The following GABRB1 variants were observed in gnomAD, a reference collection of about 807,000 sequenced individuals.
GABRB1 encodes gamma-aminobutyric acid receptor subunit beta-1.
GABRB1 carries 17 observed loss-of-function variants against 51.6 expected under a neutral mutation model. The ratio of observed to expected loss-of-function variants is 0.33; its 90% confidence interval spans 0.23 to 0.49. GABRB1 has a LOEUF of 0.49. Ranked by LOEUF, GABRB1 falls within the 20% of genes least tolerant of loss-of-function variation. The probability of loss-of-function intolerance (pLI) is 0.99; values close to 1 mark genes in which losing one functional copy is unlikely to be tolerated. For missense variants in GABRB1, 410 were observed against 600.6 expected, an observed-to-expected ratio of 0.68 and a Z score of 3.32; for synonymous variants, 247 against 218.9, an observed-to-expected ratio of 1.13 and a Z score of -1.14.
At chr4:47,275,335 A>C (rs1329667982) in intron 4 of GABRB1, among the ~76,000 whole-genome samples, 4 of 152,062 alleles carry the variant, frequency 2.6e-5, no homozygotes, top group Non-Finnish European at 5.9e-5. Context: ...AAATTAGGAG[A>C]GGCAGTCTCT....
At chr4:47,102,014 C>A (rs962994448) in intron 3 of GABRB1, among the ~76,000 whole-genome samples, 1 of 151,992 alleles carries the variant, frequency 6.6e-6, no homozygotes, top group East Asian at 1.9e-4. Context: ...ATAAACTCCA[C>A]TCTCTGTTTT....
intron 4 of GABRB1, among the ~76,000 whole-genome samples, chr4:47,297,719 A>T (rs1366199642): frequency 6.6e-6 from 1 of 152,188 alleles, no homozygotes; most frequent in African/African-American, 2.4e-5. Context: ...AACTATTCCA[A>T]TCAATAGAAA....
upstream of GABRB1, among the ~76,000 whole-genome samples, chr4:47,029,266 T>G (rs1277431291): frequency 2.0e-5 from 3 of 151,938 alleles, no homozygotes; most frequent in Non-Finnish European, 2.9e-5. Flanking sequence ...TGGTACAAAG[T>G]GTTTAGATCA....
At chr4:47,416,423 A>G (rs971220443) in intron 8 of GABRB1, among the ~76,000 whole-genome samples, 1 of 152,022 alleles carries the variant, frequency 6.6e-6, no homozygotes, top group East Asian at 1.9e-4. Flanking sequence ...CAGAGTAAAC[A>G]GAAGATATAA....
intron 5 of GABRB1, among the ~76,000 whole-genome samples, chr4:47,367,598 T>C (rs1727024602): frequency 6.6e-6 from 1 of 152,200 alleles, no homozygotes; most frequent in Admixed American, 6.5e-5. Flanking sequence ...AAGTAAATGT[T>C]TTGCTTTCCC....
At chr4:47,270,228 T>C (rs1314394279) in intron 4 of GABRB1, among the ~76,000 whole-genome samples, 3 of 152,224 alleles carry the variant, frequency 2.0e-5, no homozygotes, top group African/African-American at 7.2e-5. Flanking sequence ...GATGCCATTT[T>C]CCAAAAGCTT....
chr4:47,391,502 C>G (rs1373509211), intron 5 of GABRB1, among the ~76,000 whole-genome samples: 1 of 152,214 alleles, frequency 6.6e-6, no homozygotes, highest in African/African-American at 2.4e-5. Context: ...ATCACTGACT[C>G]TCAGCTAACT....
intron 3 of GABRB1, among the ~76,000 whole-genome samples, chr4:47,114,256 C>A (rs1237198228): frequency 1.3e-5 from 2 of 152,208 alleles, no homozygotes; most frequent in African/African-American, 2.4e-5. Context: ...CACAGGTCAT[C>A]CTCAGAGTAC....
At chr4:47,163,430 A>T (rs1022567279) in intron 4 of GABRB1, among the ~76,000 whole-genome samples, 1 of 152,170 alleles carries the variant, frequency 6.6e-6, no homozygotes, top group South Asian at 2.1e-4. Flanking sequence ...AGTGCCTATT[A>T]TCTGCCACAC....
chr4:47,061,032 T>C (rs1287875212), intron 3 of GABRB1, among the ~76,000 whole-genome samples: 1 of 152,180 alleles, frequency 6.6e-6, no homozygotes, highest in Non-Finnish European at 1.5e-5. Context: ...AACACAAAGT[T>C]ACTAAAAAAT....
chr4:47,103,578 A>T (rs113232786), intron 3 of GABRB1, among the ~76,000 whole-genome samples: 2 of 152,008 alleles, frequency 1.3e-5, no homozygotes, highest in African/African-American at 2.4e-5. Context: ...ATTTTATTCA[A>T]TGAACGTTTA....
chr4:47,272,264 G>C (rs1319782579), intron 4 of GABRB1, among the ~76,000 whole-genome samples: 1 of 152,148 alleles, frequency 6.6e-6, no homozygotes, highest in Non-Finnish European at 1.5e-5. Flanking sequence ...GTCTTTGTAT[G>C]TGCAGATCAT....
At chr4:47,114,013 C>G (rs1204783450) in intron 3 of GABRB1, among the ~76,000 whole-genome samples, 1 of 152,208 alleles carries the variant, frequency 6.6e-6, no homozygotes, top group Non-Finnish European at 1.5e-5. Flanking sequence ...TGACAGGCCT[C>G]AGTTCCTTCT....
At chr4:47,132,432 G>GTTTGGTTTGGTTTGT (rs1716466029) in intron 3 of GABRB1, among the ~76,000 whole-genome samples, 1 of 55,126 alleles carries the variant, frequency 1.8e-5, no homozygotes, top group Non-Finnish European at 3.9e-5. Context: ...GTTTGGTTTG[G>GTTTGGTTTGGTTTGT]TTTGGTTTGG....
Position 47,392,649 on chromosome 4 carries a change from T to C in GABRB1, c.545-10669T>C, listed in dbSNP as rs186212553. Among the ~76,000 whole-genome samples, 760 of 152,264 alleles carry C rather than the reference T, an allele frequency of 5.0e-3. 7 individuals are homozygous for C. Among genetic ancestry groups the C allele is most frequent in the African/African-American group, 0.017 (691 of 41,562 alleles). On this transcript the variant is annotated intron_variant, in intron 5 of 8. Transcript: ENST00000295454. ...GAGCCACCGTGCCCAGCCTCTCCCTTCCACCTTCTAATCTTCAGCTAGCTC... is the reference window on the plus strand; with the variant it reads ...GAGCCACCGTGCCCAGCCTCTCCCTCCCACCTTCTAATCTTCAGCTAGCTC...
At chr4:47,195,897 T>A (rs1176612761) in intron 4 of GABRB1, among the ~76,000 whole-genome samples, 1 of 152,242 alleles carries the variant, frequency 6.6e-6, no homozygotes, top group East Asian at 1.9e-4. Flanking sequence ...TCTGCCAGTC[T>A]GATGTCATCC....
intron 5 of GABRB1, among the ~76,000 whole-genome samples, chr4:47,367,461 A>G (rs1727018321): frequency 6.6e-6 from 1 of 152,216 alleles, no homozygotes; most frequent in South Asian, 2.1e-4. Context: ...GACAGAAAAG[A>G]GATGACTTCA....
At chr4:47,059,859 G>A (rs938638973) in intron 3 of GABRB1, among the ~76,000 whole-genome samples, 7 of 152,054 alleles carry the variant, frequency 4.6e-5, no homozygotes, top group African/African-American at 1.2e-4. Flanking sequence ...TTATTCAACC[G>A]CTTGCTGGTC....
intron 3 of GABRB1, among the ~76,000 whole-genome samples, chr4:47,042,723 T>C (rs1208599593): frequency 6.6e-6 from 1 of 151,784 alleles, no homozygotes; most frequent in African/African-American, 2.4e-5. Flanking sequence ...ATAAGAATAG[T>C]TATATTTTAA....
Sources: allele counts gnomAD v4.1 joint callset (sites outside exome capture counted in the v4.1 genomes callset), GRCh38; gene constraint gnomAD v4.1.1; transcripts MANE v1.5; gene names NCBI Gene and HGNC (gene_info 2026-07-23, HGNC 2026-07-21).